Variants in SAMD5 observed in about 807,000 individuals in gnomAD.
The protein encoded by SAMD5 is sterile alpha motif domain containing 5.
SAMD5 carries 13 observed loss-of-function variants against 11.3 expected under a neutral mutation model. That is an observed-to-expected ratio of 1.15 (90% CI 0.75 to 1.83). The LOEUF (loss-of-function observed/expected upper bound fraction) is 1.83. Ranked by LOEUF, SAMD5 falls within the 40% of genes most tolerant of loss-of-function variation. The probability of loss-of-function intolerance (pLI) is 0.00; values close to 1 mark genes in which losing one functional copy is unlikely to be tolerated. For missense variants in SAMD5, 255 were observed against 239.1 expected, an observed-to-expected ratio of 1.07 and a Z score of -0.44; for synonymous variants, 129 against 111.3, an observed-to-expected ratio of 1.16 and a Z score of -1.00.
At chr6:147,918,688 CTTTTTTTTTTTTTT>C in the SAMD5 span, among the ~76,000 whole-genome samples, 1 of 99,444 alleles carries the variant, frequency 1.0e-5, no homozygotes, top group Non-Finnish European at 1.9e-5. Flanking sequence ...CACAAGCATT[CTTTTTTTTTTTTTT>C]TTTTTTTTTT....
intron 1 of SAMD5, among the ~76,000 whole-genome samples, chr6:147,657,462 C>T (rs543887042): frequency 1.3e-3 from 192 of 151,506 alleles, no homozygotes; most frequent in African/African-American, 4.5e-3. Flanking sequence ...TGAGAGAGAG[C>T]GAGAGAGAGA....
intron 1 of SAMD5, among the ~76,000 whole-genome samples, chr6:147,513,997 A>G (rs1382577606): frequency 6.6e-6 from 1 of 152,214 alleles, no homozygotes; most frequent in African/African-American, 2.4e-5. Context: ...AACTAAGGTT[A>G]CAGCCGGAGG....
chr6:147,595,835 C>T (rs6911479), intron 1 of SAMD5, among the ~76,000 whole-genome samples: 22,103 of 151,924 alleles, frequency 0.15, 1,779 homozygotes, highest in African/African-American at 0.22. Context: ...TAAACTACTA[C>T]TTTTTTAATT....
chr6:147,654,779 CA>C (rs5880724), intron 1 of SAMD5, among the ~76,000 whole-genome samples: 81,331 of 147,224 alleles, frequency 0.55, 23,113 homozygotes, highest in South Asian at 0.7. Flanking sequence ...ATCTTTTTCT[CA>C]AAAAAAAAAA....
chr6:147,928,504 G>A, the SAMD5 span, among the ~76,000 whole-genome samples: 1 of 152,024 alleles, frequency 6.6e-6, no homozygotes, highest in African/African-American at 2.4e-5. Flanking sequence ...TGTGGCATCC[G>A]TGGTAACATC....
chr6:147,663,791 C>CAAAAAAA (rs199707045), intron 1 of SAMD5, among the ~76,000 whole-genome samples: 2 of 83,082 alleles, frequency 2.4e-5, no homozygotes, highest in East Asian at 3.7e-4. Flanking sequence ...AACTCTGTCT[C>CAAAAAAA]AAAAAAAAAA....
chr6:147,533,483 AAG>A (rs1405985171), intron 1 of SAMD5, among the ~76,000 whole-genome samples: 1 of 151,384 alleles, frequency 6.6e-6, no homozygotes, highest in East Asian at 1.9e-4. Context: ...AAAAAAAAGA[AAG>A]AAAGAAAAGA....
Position 147,737,305 on chromosome 6 carries a change from TTTATGCTCCAGGTATTA to T in SAMD5, c.163-5_174del. ...ACTTAATTAAACTTCATTTCCTCTT[TTTATGCTCCAGGTATTA>T]TTATGCCGCTACCTTCAAGAAGTAA... On this transcript the variant is annotated splice_acceptor_variant and splice_polypyrimidine_tract_variant and coding_sequence_variant and intron_variant, in exon 2 of 2. Transcript: ENST00000566741. LOFTEE classifies it high-confidence loss of function. 1 of 1,204,738 alleles carries T rather than the reference TTTATGCTCCAGGTATTA, an allele frequency of 8.3e-7. No homozygotes were observed. Among genetic ancestry groups the T allele is most frequent in the Non-Finnish European group, 1.1e-6 (1 of 935,718 alleles). 74.6% of individuals were successfully genotyped at this position (1,204,738 alleles called of 1,614,324 possible). A position where few individuals can be genotyped will look rare whatever the true frequency, so the allele number is the denominator to read the frequency against.
the SAMD5 span, among the ~76,000 whole-genome samples, chr6:147,934,915 CAAGGGGGGAAGTTTG>C: frequency 1.2e-4 from 18 of 152,222 alleles, no homozygotes; most frequent in African/African-American, 3.9e-4. Flanking sequence ...AACAACCATA[CAAGGGGGGAAGTTTG>C]AACTTCCCTC....
intron 1 of SAMD5, among the ~76,000 whole-genome samples, chr6:147,550,852 G>A (rs1359833306): frequency 6.6e-6 from 1 of 151,832 alleles, no homozygotes; most frequent in Non-Finnish European, 1.5e-5. Context: ...AGACTTGACT[G>A]CTACTCAATA....
chr6:147,722,488 T>C (rs1791569925), intron 1 of SAMD5, among the ~76,000 whole-genome samples: 1 of 152,220 alleles, frequency 6.6e-6, no homozygotes, highest in South Asian at 2.1e-4. Context: ...CCATTTGTCC[T>C]CATAGAAAAC....
the SAMD5 span, chr6:147,947,338 AT>A: frequency 6.6e-6 from 1 of 152,244 alleles, no homozygotes; most frequent in South Asian, 2.1e-4. Flanking sequence ...TTAAAACGTG[AT>A]TTTCTACTAA....
At chr6:147,803,120 G>T in the SAMD5 span, among the ~76,000 whole-genome samples, 2 of 143,056 alleles carry the variant, frequency 1.4e-5, no homozygotes, top group African/African-American at 5.3e-5. Context: ...TAAGACTTTT[G>T]GCCTTCCTTT....
Position 147,567,920 on chromosome 6 carries a change from C to G in SAMD5, c.*3464C>G. 4 of 984,188 alleles carry G rather than the reference C, an allele frequency of 4.1e-6. No individual in the cohort carries two copies. The highest frequency in any genetic ancestry group is 2.4e-6 in the Non-Finnish European group (2 of 829,052). The allele number at this position is 984,188 out of a possible 1,614,324, so 61.0% of individuals were successfully genotyped here. A position where few individuals can be genotyped will look rare whatever the true frequency, so the allele number is the denominator to read the frequency against. On this transcript the variant is annotated 3_prime_UTR_variant, in exon 2 of 2. Transcript: ENST00000367474. ...TGGGCAACAGAGCAAGATCCCGTCT[C>G]AAAACAAAACAAAACAAAACAAAAC...
intron 1 of SAMD5, among the ~76,000 whole-genome samples, chr6:147,602,113 A>T (rs1199521478): frequency 6.6e-6 from 1 of 152,224 alleles, no homozygotes; most frequent in Non-Finnish European, 1.5e-5. Context: ...TTCACATTTT[A>T]AAAATATCCT....
the SAMD5 span, among the ~76,000 whole-genome samples, chr6:147,892,996 T>C: frequency 2.0e-5 from 3 of 152,144 alleles, no homozygotes; most frequent in Non-Finnish European, 4.4e-5. Flanking sequence ...GTAGATTGCC[T>C]GAAGTCCGGA....
At chr6:147,773,144 G>T in the SAMD5 span, among the ~76,000 whole-genome samples, 1 of 152,186 alleles carries the variant, frequency 6.6e-6, no homozygotes, top group Non-Finnish European at 1.5e-5. Flanking sequence ...ATACCCTTCA[G>T]CTTCTGTGTT....
intron 1 of SAMD5, chr6:147,676,006 T>C (rs1279426738): frequency 6.6e-6 from 1 of 152,248 alleles, no homozygotes; most frequent in Non-Finnish European, 1.5e-5. Context: ...CTGTTTATTT[T>C]ACACTGCATG....
intron 1 of SAMD5, among the ~76,000 whole-genome samples, chr6:147,717,856 CACAAAACAAAACAAA>C (rs142280809): frequency 2.0e-5 from 3 of 150,910 alleles, no homozygotes; most frequent in Non-Finnish European, 4.4e-5. Flanking sequence ...GTCTCAAAAA[CACAAAACAAAACAAA>C]ACAAAACAAA....
Sources: gnomAD v4.1 joint callset for allele counts (sites outside exome capture counted in the v4.1 genomes callset) on GRCh38, gnomAD v4.1.1 for gene constraint, MANE v1.5 for transcripts, NCBI Gene and HGNC (gene_info 2026-07-23, HGNC 2026-07-21) for gene names.